The following EML6 variants were observed in gnomAD, a reference collection of about 807,000 sequenced individuals.
The protein encoded by EML6 is EMAP like 6, also known as echinoderm microtubule-associated protein-like 6.
Under a neutral mutation model 240.1 loss-of-function variants are expected in EML6, and 154 were observed. The observed-to-expected ratio is 0.64, with a 90% CI of 0.56 to 0.73. The LOEUF (loss-of-function observed/expected upper bound fraction) is 0.73, where lower values mean the gene tolerates loss of function less well. Among genes scored for constraint, EML6 ranks in the 30% least tolerant of loss-of-function variants. EML6 has a pLI of 0.00. For missense variants in EML6, 2,964 were observed against 2,474.6 expected, an observed-to-expected ratio of 1.20 and a Z score of -4.20; for synonymous variants, 1,148 against 899.0, an observed-to-expected ratio of 1.28 and a Z score of -4.95.
At chr2:54,851,744 G>T (rs537993338) in intron 10 of EML6, among the ~76,000 whole-genome samples, 1 of 152,150 alleles carries the variant, frequency 6.6e-6, no homozygotes, top group South Asian at 2.1e-4. Flanking sequence ...TCATTAATGT[G>T]TACCTAAAAA....
At chr2:54,753,461 T>C (rs1260751270) in intron 2 of EML6, among the ~76,000 whole-genome samples, 2 of 152,014 alleles carry the variant, frequency 1.3e-5, no homozygotes, top group African/African-American at 4.8e-5. Context: ...TCCTTATAAG[T>C]GAGAGTGACA....
intron 18 of EML6, 67 bp from the exon 19 acceptor site, chr2:54,892,387 G>A (rs188244870): frequency 1.4e-5 from 14 of 1,029,356 alleles, no homozygotes; most frequent in African/African-American, 4.8e-5. Flanking sequence ...CATGGAAGTA[G>A]TCCTTCTACA....
At chr2:54,799,121 C>T (rs1669976578) in intron 2 of EML6, among the ~76,000 whole-genome samples, 1 of 152,184 alleles carries the variant, frequency 6.6e-6, no homozygotes, top group Non-Finnish European at 1.5e-5. Flanking sequence ...AGTGCAGTGG[C>T]ACCATCTCGG....
intron 32 of EML6, among the ~76,000 whole-genome samples, chr2:54,955,633 C>T (rs1676196680): frequency 6.6e-6 from 1 of 152,222 alleles, no homozygotes; most frequent in African/African-American, 2.4e-5. Context: ...TCTTCACTCC[C>T]TCTACCTGTC....
chr2:54,857,116 T>A (rs1162209775), intron 11 of EML6, among the ~76,000 whole-genome samples: 1 of 152,110 alleles, frequency 6.6e-6, no homozygotes, highest in Non-Finnish European at 1.5e-5. Context: ...AAAAAAGATA[T>A]TTGTCTCTGG....
intron 2 of EML6, among the ~76,000 whole-genome samples, chr2:54,730,140 A>C (rs933526323): frequency 6.8e-6 from 1 of 147,080 alleles, no homozygotes; most frequent in African/African-American, 2.6e-5. Context: ...CTGTCTCAAG[A>C]AAAAAAAAAG....
At chr2:54,918,742 A>C (rs1425180119) in intron 26 of EML6, among the ~76,000 whole-genome samples, 1 of 152,242 alleles carries the variant, frequency 6.6e-6, no homozygotes, top group Non-Finnish European at 1.5e-5. Flanking sequence ...TCCTGGTCCA[A>C]GAAGACATCA....
At chr2:54,917,414 G>C (rs959444346) in intron 26 of EML6, among the ~76,000 whole-genome samples, 13 of 149,528 alleles carry the variant, frequency 8.7e-5, no homozygotes, top group African/African-American at 3.2e-4. Context: ...GCCCAGGCTG[G>C]AGTGCAGTGG....
At chr2:54,948,655 G>A (rs144611290) in intron 28 of EML6, among the ~76,000 whole-genome samples, 6 of 152,262 alleles carry the variant, frequency 3.9e-5, no homozygotes, top group East Asian at 1.9e-4. Context: ...CCCTGACCAC[G>A]GTGCCTCAAG....
At chr2:54,763,589 G>T (rs556516928) in intron 2 of EML6, among the ~76,000 whole-genome samples, 38 of 152,306 alleles carry the variant, frequency 2.5e-4, no homozygotes, top group Non-Finnish European at 4.9e-4. Context: ...AGGTGCATTT[G>T]TGTGGTTTTT....
intron 2 of EML6, among the ~76,000 whole-genome samples, chr2:54,731,985 T>C (rs1174619130): frequency 6.6e-6 from 1 of 152,250 alleles, no homozygotes; most frequent in Non-Finnish European, 1.5e-5. Flanking sequence ...TGTCTTTTTT[T>C]TACTATTGCC....
chr2:54,773,542 G>C (rs1218472246), intron 2 of EML6, among the ~76,000 whole-genome samples: 4 of 152,184 alleles, frequency 2.6e-5, no homozygotes, highest in Non-Finnish European at 5.9e-5. Context: ...TCTTTGGAGG[G>C]GAATTTCAAG....
chr2:54,894,734 A>G (rs557870717), intron 19 of EML6, among the ~76,000 whole-genome samples, 181 bp from the exon 20 acceptor site: 38 of 152,320 alleles, frequency 2.5e-4, no homozygotes, highest in Middle Eastern at 3.4e-3. Flanking sequence ...TTAGGGAAGT[A>G]TGGGAGAAAT....
intron 10 of EML6, among the ~76,000 whole-genome samples, chr2:54,853,222 A>G (rs1173254321): frequency 6.6e-6 from 1 of 152,246 alleles, no homozygotes; most frequent in Admixed American, 6.5e-5. Context: ...GATACATGAT[A>G]AAAGTCATTT....
intron 7 of EML6, among the ~76,000 whole-genome samples, chr2:54,830,863 C>T (rs939535460): frequency 6.6e-5 from 10 of 152,140 alleles, no homozygotes; most frequent in African/African-American, 2.4e-4. Context: ...TGTCTTCTCA[C>T]GGAGGCTCAG....
In EML6 at chr2:54,964,168, T is replaced by A; in HGVS notation, c.5330+10T>A. ...CTATCCAAGATATCAGGTACCTAAG[T>A]GGGTGGTCTGGGCATGGAGGAGAAA... is the stretch of plus-strand genomic sequence containing the variant. On this transcript the variant is annotated intron_variant, in intron 37 of 41. Transcript: ENST00000356458. 2 of 1,550,544 alleles carry A rather than the reference T, an allele frequency of 1.3e-6. No homozygotes were observed. The highest frequency in any genetic ancestry group is 2.7e-5 in the African/African-American group (2 of 73,148).
chr2:54,841,373 C>T (rs1457173644), intron 7 of EML6, among the ~76,000 whole-genome samples: 1 of 152,192 alleles, frequency 6.6e-6, no homozygotes, highest in Non-Finnish European at 1.5e-5. Context: ...GCAATGAATT[C>T]AGAGGAAGGA....
chr2:54,831,635 C>G (rs1312020272), intron 7 of EML6, among the ~76,000 whole-genome samples: 1 of 152,256 alleles, frequency 6.6e-6, no homozygotes, highest in Non-Finnish European at 1.5e-5. Context: ...TGTGCCTGCC[C>G]TGTGGTGCCT....
chr2:54,731,848 G>A (rs1683186363), intron 2 of EML6, among the ~76,000 whole-genome samples: 1 of 152,100 alleles, frequency 6.6e-6, no homozygotes, highest in African/African-American at 2.4e-5. Context: ...TATCCTCAAG[G>A]TGTGGATCTG....
Sources: allele counts gnomAD v4.1 joint callset (sites outside exome capture counted in the v4.1 genomes callset), GRCh38; gene constraint gnomAD v4.1.1; transcripts MANE v1.5; gene names NCBI Gene and HGNC (gene_info 2026-07-23, HGNC 2026-07-21).